ZNF146: variants seen among roughly 807,000 people sequenced by gnomAD.
ZNF146 encodes the protein zinc finger protein 146.
ZNF146 carries 9 observed loss-of-function variants against 22.2 expected under a neutral mutation model. The observed-to-expected ratio is 0.41, with a 90% CI of 0.24 to 0.71. The LOEUF is 0.71. Ranked by LOEUF, ZNF146 falls within the 30% of genes least tolerant of loss-of-function variation. The probability of loss-of-function intolerance (pLI) is 0.34; values close to 1 mark genes in which losing one functional copy is unlikely to be tolerated. For missense variants in ZNF146, 194 were observed against 344.8 expected, an observed-to-expected ratio of 0.56 and a Z score of 3.46; for synonymous variants, 108 against 119.2, an observed-to-expected ratio of 0.91 and a Z score of 0.61.
At chr19:36,217,373 TAAGA>T (rs2145390990) in intron 1 of ZNF146, among the ~76,000 whole-genome samples, 1 of 151,402 alleles carries the variant, frequency 6.6e-6, no homozygotes, top group East Asian at 1.9e-4. Flanking sequence ...GACCCTGTCT[TAAGA>T]AAGAAAGAAA....
intron 2 of ZNF146, among the ~76,000 whole-genome samples, chr19:36,223,334 C>T (rs1304948842): frequency 6.9e-6 from 1 of 143,906 alleles, no homozygotes; most frequent in Non-Finnish European, 1.5e-5. Flanking sequence ...CAGAGTGAGA[C>T]TCCGTCTCAA....
chr19:36,217,416 A>G (rs1235729750), intron 1 of ZNF146, among the ~76,000 whole-genome samples: 1 of 152,004 alleles, frequency 6.6e-6, no homozygotes, highest in Non-Finnish European at 1.5e-5. Context: ...GAAAAGAAAA[A>G]CAGTTCATGC....
At chr19:36,226,711 A>G (rs981588358) in intron 2 of ZNF146, among the ~76,000 whole-genome samples, 1 of 152,198 alleles carries the variant, frequency 6.6e-6, no homozygotes, top group Admixed American at 6.5e-5. Flanking sequence ...GAAGTTTAAC[A>G]TTGATACATT....
intron 1 of ZNF146, among the ~76,000 whole-genome samples, chr19:36,217,055 C>CTTTTT (rs752632008): frequency 0.036 from 2,391 of 65,836 alleles, 320 homozygotes; most frequent in South Asian, 0.052. Flanking sequence ...CAGTCCCTGT[C>CTTTTT]TTTTTTTTTT....
intron 2 of ZNF146, among the ~76,000 whole-genome samples, chr19:36,220,310 TAAATGGTATAG>T (rs1873736126): frequency 1.3e-5 from 2 of 150,464 alleles, no homozygotes; most frequent in African/African-American, 2.4e-5. Context: ...TAATTCACTT[TAAATGGTATAG>T]TATTTTTACC....
intron 1 of ZNF146, among the ~76,000 whole-genome samples, chr19:36,216,209 A>G (rs1036198738): frequency 4.6e-5 from 7 of 152,218 alleles, no homozygotes; most frequent in Non-Finnish European, 7.3e-5. Context: ...AAGATAAAGT[A>G]TTGTGGAAGA....
intron 3 of ZNF146, among the ~76,000 whole-genome samples, chr19:36,231,968 C>T (rs1177584276): frequency 1.3e-5 from 2 of 151,516 alleles, no homozygotes; most frequent in African/African-American, 4.8e-5. Flanking sequence ...TTTGGGAGGC[C>T]GAGGCAGGCA....
Position 36,238,581 on chromosome 19 carries a change from TA to T in ZNF146, c.*1263del, listed in dbSNP as rs988544011. 6.0e-5 allele frequency: 10 copies of T among 167,022 alleles called. No homozygotes were observed. Among genetic ancestry groups the T allele is most frequent in the Admixed American group, 5.9e-4 (9 of 15,280 alleles). The allele number at this position is 167,022 out of a possible 1,614,324, so 10.3% of individuals were successfully genotyped here. A position where few individuals can be genotyped will look rare whatever the true frequency, so the allele number is the denominator to read the frequency against. On this transcript the variant is annotated 3_prime_UTR_variant, in exon 4 of 4. Coordinates refer to ENST00000443387, the MANE Select transcript of ZNF146 (RefSeq NM_007145.3). Reference sequence around the variant, plus strand: ...TCTGTATTTTTAAAATTTCTCAAAATAGGAATGGGAGTGAGGATGGGAATGC... The same window carrying T: ...TCTGTATTTTTAAAATTTCTCAAAATGGAATGGGAGTGAGGATGGGAATGC...
chr19:36,235,541 A>G (rs985286108), intron 3 of ZNF146, 118 bp from the exon 4 acceptor site: 1 of 152,218 alleles, frequency 6.6e-6, no homozygotes, highest in Non-Finnish European at 1.5e-5. Flanking sequence ...GAAAATTAAC[A>G]AATAAAAGTG....
intron 2 of ZNF146, among the ~76,000 whole-genome samples, chr19:36,222,685 A>T (rs992813791): frequency 2.7e-5 from 4 of 150,552 alleles, no homozygotes; most frequent in African/African-American, 9.7e-5. Flanking sequence ...CTGTCTATTC[A>T]TATCCTTTTC....
In ZNF146 at chr19:36,237,451, G is replaced by GTT; in HGVS notation, c.*132_*133insTT. 8.8e-7 allele frequency: 1 copy of GTT among 1,140,262 alleles called. No homozygotes were observed. The highest frequency in any genetic ancestry group is 1.2e-6 in the Non-Finnish European group (1 of 829,398). 70.6% of individuals were successfully genotyped at this position (1,140,262 alleles called of 1,614,324 possible). A position where few individuals can be genotyped will look rare whatever the true frequency, so the allele number is the denominator to read the frequency against. The stretch of plus-strand genomic sequence containing the variant: ...CTTTAACAAGTACTAAAAACTTAAG[G>GTT]GACACCAGAAAATTTGTACTGAAGA... On this transcript the variant is annotated 3_prime_UTR_variant, in exon 4 of 4. Transcript: ENST00000443387.
At chr19:36,223,616 GC>G (rs1166522409) in intron 2 of ZNF146, among the ~76,000 whole-genome samples, 1 of 152,022 alleles carries the variant, frequency 6.6e-6, no homozygotes, top group Non-Finnish European at 1.5e-5. Flanking sequence ...GCCCGCCTCG[GC>G]CCTCCAAAGT....
intron 3 of ZNF146, among the ~76,000 whole-genome samples, chr19:36,231,708 G>A (rs1977377932): frequency 6.6e-6 from 1 of 152,032 alleles, no homozygotes; most frequent in Non-Finnish European, 1.5e-5. Context: ...CCAGTTTCAT[G>A]TTATTTCTGG....
chr19:36,235,227 A>G (rs770746417), intron 3 of ZNF146, among the ~76,000 whole-genome samples: 41 of 151,914 alleles, frequency 2.7e-4, no homozygotes, highest in Non-Finnish European at 5.4e-4. Context: ...AAAAGAAGAA[A>G]GAAAGATGAA....
At chr19:36,217,577 G>C (rs1976663739) in intron 1 of ZNF146, among the ~76,000 whole-genome samples, 1 of 152,052 alleles carries the variant, frequency 6.6e-6, no homozygotes, top group African/African-American at 2.4e-5. Flanking sequence ...TGTAGAGTAT[G>C]ATACACGATG....
intron 3 of ZNF146, among the ~76,000 whole-genome samples, chr19:36,229,698 C>A (rs1354184842): frequency 1.3e-5 from 2 of 151,880 alleles, no homozygotes; most frequent in African/African-American, 4.8e-5. Flanking sequence ...TCTTAGAATT[C>A]TCTGTCAACA....
rs149662756 is a variant in ZNF146 at position 36,217,692 on chromosome 19, G to A, written c.-928-430G>A. Among the ~76,000 whole-genome samples, 611 of 151,908 alleles carry A rather than the reference G, an allele frequency of 4.0e-3. 24 individuals are homozygous for A. The East Asian group carries it at 0.051, about 13-fold the overall frequency. ...CTGAGGTCAGGAGTTTGAGACCAGCGTGACCAACATGGAGAAACCCCGTCT... is the reference window on the plus strand; with the variant it reads ...CTGAGGTCAGGAGTTTGAGACCAGCATGACCAACATGGAGAAACCCCGTCT... On this transcript the variant is annotated intron_variant, in intron 1 of 3. Transcript: ENST00000443387.
chr19:36,217,053 G>GTTTTTT (rs1568427584), intron 1 of ZNF146, among the ~76,000 whole-genome samples: 2 of 71,826 alleles, frequency 2.8e-5, no homozygotes, highest in African/African-American at 9.7e-5. Flanking sequence ...GCCAGTCCCT[G>GTTTTTT]TCTTTTTTTT....
rs1191892093 is a variant in ZNF146 at position 36,232,181 on chromosome 19, C to T, written c.-783+3362C>T. On this transcript the variant is annotated intron_variant, in intron 3 of 3. Transcript: ENST00000443387. ...CTGCACTCCGGCCTGGGCAACAGAGCGAGACTCCATCTCAAAAAAAAAAAA... is the reference window on the plus strand; with the variant it reads ...CTGCACTCCGGCCTGGGCAACAGAGTGAGACTCCATCTCAAAAAAAAAAAA... Among the ~76,000 whole-genome samples, 16 of 130,920 alleles carry T rather than the reference C, an allele frequency of 1.2e-4. No homozygotes were observed. In the East Asian group the frequency reaches 2.2e-3, roughly 18 times the overall value. 85.9% of individuals were successfully genotyped at this position (130,920 alleles called of 152,430 possible). A position where few individuals can be genotyped will look rare whatever the true frequency, so the allele number is the denominator to read the frequency against.
Sources: allele counts gnomAD v4.1 joint callset (sites outside exome capture counted in the v4.1 genomes callset), GRCh38; gene constraint gnomAD v4.1.1; transcripts MANE v1.5; gene names NCBI Gene and HGNC (gene_info 2026-07-23, HGNC 2026-07-21).